TCERG1L: variants seen among roughly 807,000 people sequenced by gnomAD.
TCERG1L encodes transcription elongation regulator 1-like protein.
Under a neutral mutation model 56.3 loss-of-function variants are expected in TCERG1L, and 37 were observed. The ratio of observed to expected loss-of-function variants is 0.66; its 90% CI spans 0.51 to 0.87. The LOEUF (loss-of-function observed/expected upper bound fraction) is 0.87, where lower values mean the gene tolerates loss of function less well. TCERG1L is among the 40% of genes least tolerant of loss of function. The pLI is 0.00. For synonymous variants in TCERG1L, 324 were observed against 326.3 expected (o/e 0.99, Z 0.08); for missense variants, 799 against 774.2 (o/e 1.03, Z -0.38).
intron 4 of TCERG1L, among the ~76,000 whole-genome samples, chr10:131,168,561 C>T (rs1846056182): frequency 6.6e-6 from 1 of 152,146 alleles, no homozygotes; most frequent in Non-Finnish European, 1.5e-5. Context: ...GGCCCCATCC[C>T]CGGAGGTGCT....
intron 3 of TCERG1L, among the ~76,000 whole-genome samples, chr10:131,298,728 T>C (rs1162267342): frequency 6.6e-6 from 1 of 152,226 alleles, no homozygotes; most frequent in Non-Finnish European, 1.5e-5. Flanking sequence ...TTTTAATTAT[T>C]TAAAATTTTT....
intron 4 of TCERG1L, among the ~76,000 whole-genome samples, chr10:131,174,638 T>C (rs7903016): frequency 0.1 from 15,834 of 152,274 alleles, 1,532 homozygotes; most frequent in African/African-American, 0.26. Flanking sequence ...AAATCATTTC[T>C]GAGTCCTCCT....
At chr10:131,147,167 C>G (rs1003545066) in intron 6 of TCERG1L, among the ~76,000 whole-genome samples, 9 of 152,186 alleles carry the variant, frequency 5.9e-5, no homozygotes, top group African/African-American at 1.7e-4. Flanking sequence ...CTGTCATTAG[C>G]AACCACAGCC....
At chr10:131,236,920 T>C (rs1845919130) in intron 4 of TCERG1L, among the ~76,000 whole-genome samples, 1 of 152,006 alleles carries the variant, frequency 6.6e-6, no homozygotes, top group Non-Finnish European at 1.5e-5. Flanking sequence ...TTTGCCCCAA[T>C]GTCTTATTCT....
At chr10:131,185,781 T>C (rs1241523999) in intron 4 of TCERG1L, among the ~76,000 whole-genome samples, 1 of 151,904 alleles carries the variant, frequency 6.6e-6, no homozygotes, top group Non-Finnish European at 1.5e-5. Flanking sequence ...GAATGTAAAA[T>C]GGTTCAACTA....
At chr10:131,106,760 C>T (rs1845355127) in intron 9 of TCERG1L, among the ~76,000 whole-genome samples, 1 of 152,148 alleles carries the variant, frequency 6.6e-6, no homozygotes, top group Non-Finnish European at 1.5e-5. Context: ...AAAACAAAAC[C>T]CCATTCACAT....
At chr10:131,134,719 G>A (rs1356503672) in intron 7 of TCERG1L, among the ~76,000 whole-genome samples, 2 of 152,166 alleles carry the variant, frequency 1.3e-5, no homozygotes, top group African/African-American at 4.8e-5. Flanking sequence ...GGGGCTGGGG[G>A]GTGGAGAATT....
chr10:131,157,430 T>G (rs1021848492), intron 6 of TCERG1L, among the ~76,000 whole-genome samples: 2 of 152,230 alleles, frequency 1.3e-5, no homozygotes, highest in East Asian at 1.9e-4. Context: ...TTTTTGACAT[T>G]TATTGTCATT....
chr10:131,097,189 A>C (rs1193656104), intron 11 of TCERG1L, among the ~76,000 whole-genome samples: 1 of 126,922 alleles, frequency 7.9e-6, no homozygotes, highest in Admixed American at 8.8e-5. Context: ...TGACACAGCG[A>C]GGGTCTGTCT....
At chr10:131,100,927 G>A (rs898114871) in intron 10 of TCERG1L, among the ~76,000 whole-genome samples, 3 of 152,138 alleles carry the variant, frequency 2.0e-5, no homozygotes, top group Admixed American at 1.3e-4. Context: ...GCGCTCTCTG[G>A]ACCCTCCAGT....
In TCERG1L at chr10:131,111,026, C is replaced by T. The variant is rs534160115; in HGVS notation, c.1395+5773G>A. On this transcript the variant is annotated intron_variant, in intron 9 of 11. Transcript: ENST00000368642. Reference sequence around the variant, plus strand: ...ATCCCTGGATCATGGAAAAGGCCAGCGATCCTGATGACCAGAGAAAAGGGC... The same window carrying T: ...ATCCCTGGATCATGGAAAAGGCCAGTGATCCTGATGACCAGAGAAAAGGGC... Among the ~76,000 whole-genome samples, 8 of 143,350 alleles carry T rather than the reference C, an allele frequency of 5.6e-5. 2 individuals carry two copies. The highest frequency in any genetic ancestry group is 5.1e-4 in the South Asian group (2 of 3,936). The allele number at this position is 143,350 out of a possible 152,430, so 94.0% of individuals were successfully genotyped here. A position where few individuals can be genotyped will look rare whatever the true frequency, so the allele number is the denominator to read the frequency against.
At chr10:131,126,288 G>C (rs7912053) in intron 8 of TCERG1L, among the ~76,000 whole-genome samples, 1 of 152,244 alleles carries the variant, frequency 6.6e-6, no homozygotes, top group Admixed American at 6.5e-5. Flanking sequence ...ATGCTGGGGA[G>C]AGGTGGCAGA....
At chr10:131,308,538 CTTAAAGAAG>C (rs1355332611) in intron 2 of TCERG1L, 147 bp from the exon 3 acceptor site, 1 of 699,842 alleles carries the variant, frequency 1.4e-6, no homozygotes, top group Non-Finnish European at 2.3e-6. Flanking sequence ...CATTCTAAAA[CTTAAAGAAG>C]TTCCACAGGG....
intron 4 of TCERG1L, among the ~76,000 whole-genome samples, chr10:131,215,659 C>G (rs1320801235): frequency 6.6e-6 from 1 of 152,056 alleles, no homozygotes; most frequent in Admixed American, 6.5e-5. Flanking sequence ...TTGACTACAG[C>G]CAGAGAGAGG....
In TCERG1L at chr10:131,181,634, C is replaced by T. The variant is rs1489357077; in HGVS notation, c.857-14749G>A. Among the ~76,000 whole-genome samples, 6 of 152,362 alleles carry T rather than the reference C, an allele frequency of 3.9e-5. No individual in the cohort carries two copies. In the South Asian group the frequency reaches 1.0e-3, roughly 26 times the overall value. ...AGCCAGCCTCATCTGCTGCCAGCGT[C>T]TGCCTGTGGCCAAGGAAGCAGGGAA... On this transcript the variant is annotated intron_variant, in intron 4 of 11. Transcript: ENST00000368642.
At chr10:131,224,515 G>T (rs889896944) in intron 4 of TCERG1L, among the ~76,000 whole-genome samples, 1 of 152,198 alleles carries the variant, frequency 6.6e-6, no homozygotes, top group Non-Finnish European at 1.5e-5. Context: ...GATCCTTGGT[G>T]GGTATCCCAG....
intron 6 of TCERG1L, among the ~76,000 whole-genome samples, chr10:131,148,395 C>T (rs1845822556): frequency 6.6e-6 from 1 of 151,196 alleles, no homozygotes; most frequent in African/African-American, 2.4e-5. Flanking sequence ...CACATAAACA[C>T]ACAGATATAC....
chr10:131,116,216 T>G (rs1845458116), intron 9 of TCERG1L, among the ~76,000 whole-genome samples: 1 of 152,170 alleles, frequency 6.6e-6, no homozygotes, highest in Non-Finnish European at 1.5e-5. Flanking sequence ...AAAGTGAGAT[T>G]TGGAAATCAG....
At chr10:131,224,026 G>A (rs926973160) in intron 4 of TCERG1L, among the ~76,000 whole-genome samples, 6 of 151,970 alleles carry the variant, frequency 3.9e-5, no homozygotes, top group African/African-American at 1.2e-4. Flanking sequence ...GCTCCACCCT[G>A]GAGGCCTCAC....
Sources: allele counts gnomAD v4.1 joint callset (sites outside exome capture counted in the v4.1 genomes callset), GRCh38; gene constraint gnomAD v4.1.1; transcripts MANE v1.5; gene names NCBI Gene and HGNC (gene_info 2026-07-23, HGNC 2026-07-21).